Variants in MACC1 observed in about 807,000 individuals in gnomAD.
The protein encoded by MACC1 is MET transcriptional regulator MACC1, also known as metastasis-associated in colon cancer protein 1.
Under a neutral mutation model 70.7 loss-of-function variants are expected in MACC1, and 79 were observed. The ratio of observed to expected loss-of-function variants is 1.12; its 90% CI spans 0.93 to 1.35. The LOEUF (loss-of-function observed/expected upper bound fraction) is 1.35, where lower values mean the gene tolerates loss of function less well. Ranked by LOEUF, MACC1 falls within the 40% of genes most tolerant of loss-of-function variation. The probability of loss-of-function intolerance (pLI) is 0.00; values close to 1 mark genes in which losing one functional copy is unlikely to be tolerated. For missense variants in MACC1, 1,106 were observed against 978.1 expected (o/e 1.13, Z -1.74); for synonymous variants, 361 against 347.2 (o/e 1.04, Z -0.44).
intron 1 of MACC1, among the ~76,000 whole-genome samples, chr7:20,179,437 T>C (rs1782465300): frequency 6.6e-6 from 1 of 152,228 alleles, no homozygotes; most frequent in Non-Finnish European, 1.5e-5. Context: ...TTCGTTTCTC[T>C]CCTCAATTCT....
Position 20,140,894 on chromosome 7 carries a change from C to A in MACC1, c.*52G>T. 1 of 1,408,492 alleles carries A rather than the reference C, an allele frequency of 7.1e-7. No homozygotes were observed. Among genetic ancestry groups the A allele is most frequent in the Non-Finnish European group, 9.9e-7 (1 of 1,010,196 alleles). 87.2% of individuals were successfully genotyped at this position (1,408,492 alleles called of 1,614,324 possible). On this transcript the variant is annotated 3_prime_UTR_variant, in exon 7 of 7. Transcript: ENST00000400331. ...ACACAGACACACACAGACACACACA[C>A]ACACACACCATTACCTCATTTTCCC...
At chr7:20,189,363 TC>T (rs1403287416) in intron 1 of MACC1, among the ~76,000 whole-genome samples, 2 of 152,222 alleles carry the variant, frequency 1.3e-5, no homozygotes, top group Non-Finnish European at 2.9e-5. Context: ...CACTCTTGTA[TC>T]CCCAGAGCTT....
intron 1 of MACC1, among the ~76,000 whole-genome samples, chr7:20,206,345 G>A (rs1026645525): frequency 3.3e-5 from 5 of 151,944 alleles, no homozygotes; most frequent in Admixed American, 1.3e-4. Context: ...TTCCAGTGAC[G>A]TTCAAAGGAC....
At chr7:20,208,252 C>T (rs116451970) in intron 1 of MACC1, among the ~76,000 whole-genome samples, 2,484 of 152,214 alleles carry the variant, frequency 0.016, 49 homozygotes, top group Admixed American at 0.041. Flanking sequence ...TATATGGATA[C>T]CTGAAATGTG....
At chr7:20,197,930 T>A (rs1782779518) in intron 1 of MACC1, among the ~76,000 whole-genome samples, 1 of 152,230 alleles carries the variant, frequency 6.6e-6, no homozygotes, top group African/African-American at 2.4e-5. Flanking sequence ...ATAGGCTACT[T>A]CATTTATAGA....
intron 1 of MACC1, among the ~76,000 whole-genome samples, chr7:20,204,722 C>T (rs1199143708): frequency 1.3e-5 from 2 of 152,162 alleles, no homozygotes; most frequent in African/African-American, 4.8e-5. Flanking sequence ...GGTTGAATTA[C>T]AGGCATAACA....
intron 1 of MACC1, among the ~76,000 whole-genome samples, chr7:20,206,203 CA>C (rs1316710315): frequency 1.3e-5 from 2 of 151,836 alleles, no homozygotes; most frequent in Non-Finnish European, 2.9e-5. Flanking sequence ...ACTTGTCTCC[CA>C]CATTATTGTC....
rs200826339 is a variant in MACC1 at position 20,159,838 on chromosome 7, G to T, written c.523C>A (p.Arg175=). Residue 175 remains arginine, a synonymous_variant, in exon 5 of 7, where the codon CGG becomes AGG. Coordinates refer to ENST00000400331, the MANE Select transcript of MACC1 (RefSeq NM_182762.4). The stretch of plus-strand genomic sequence containing the variant: ...AACCAAGCCATTTTATAAGCCTCCC[G>T]ATCATTTTTAAGCCACTCTAAGTCG... ...LHDLEWLKND[R]EAYKMAWLSQ... is the part of the protein sequence containing the mutation. 3.1e-6 allele frequency: 5 copies of T among 1,613,968 alleles called. No homozygotes were observed. Among genetic ancestry groups the T allele is most frequent in the Non-Finnish European group, 4.2e-6 (5 of 1,180,018 alleles).
At chr7:20,188,649 C>T (rs959111434) in intron 1 of MACC1, among the ~76,000 whole-genome samples, 1 of 151,782 alleles carries the variant, frequency 6.6e-6, no homozygotes, top group African/African-American at 2.4e-5. Flanking sequence ...TATTTTTCTT[C>T]TCTCTCTCTC....
At chr7:20,170,435 T>C (rs144627315) in intron 2 of MACC1, 103 of 152,330 alleles carry the variant, frequency 6.8e-4, no homozygotes, top group African/African-American at 2.4e-3. Flanking sequence ...GACAAAGATA[T>C]GTAAAGAATA....
intron 2 of MACC1, among the ~76,000 whole-genome samples, chr7:20,169,894 C>T (rs1181241314): frequency 6.6e-6 from 1 of 152,218 alleles, no homozygotes; most frequent in Non-Finnish European, 1.5e-5. Context: ...CCTCTGGTCT[C>T]TCCCTCCTGG....
chr7:20,160,349 T>A, intron 4 of MACC1, 104 bp from the exon 5 acceptor site: 2 of 1,361,300 alleles, frequency 1.5e-6, no homozygotes, highest in Non-Finnish European at 1.9e-6. Context: ...GACTTACTTT[T>A]CATTTTTCTT....
intron 6 of MACC1, among the ~76,000 whole-genome samples, chr7:20,149,195 A>G (rs1045543826): frequency 6.6e-6 from 1 of 152,196 alleles, no homozygotes; most frequent in East Asian, 1.9e-4. Flanking sequence ...CTATTCTGCC[A>G]GTTTCTCAGA....
At chr7:20,174,916 T>C (rs1411343381) in intron 1 of MACC1, among the ~76,000 whole-genome samples, 2 of 152,168 alleles carry the variant, frequency 1.3e-5, no homozygotes, top group African/African-American at 4.8e-5. Flanking sequence ...CAGTTTTCTG[T>C]TGATGAACTT....
intron 1 of MACC1, among the ~76,000 whole-genome samples, chr7:20,172,527 T>C (rs182299154): frequency 6.6e-6 from 1 of 152,182 alleles, no homozygotes; most frequent in African/African-American, 2.4e-5. Flanking sequence ...ATATTTGAGC[T>C]ATATAGGAAT....
intron 1 of MACC1, among the ~76,000 whole-genome samples, chr7:20,194,613 A>AATCC (rs1472711898): frequency 1.3e-5 from 2 of 152,220 alleles, no homozygotes; most frequent in Non-Finnish European, 2.9e-5. Flanking sequence ...CTATTAAGCA[A>AATCC]ATCCATCTCA....
Position 20,181,926 on chromosome 7 carries a change from T to C in MACC1, c.-217-11148A>G, listed in dbSNP as rs550704443. On this transcript the variant is annotated intron_variant, in intron 1 of 6. Transcript: ENST00000400331. The stretch of plus-strand genomic sequence containing the variant: ...TAGAACTAATGAGAAGTCTAGGAGG[T>C]CAAATAAAAGATAAATAATAAAAAT... 1.5e-4 allele frequency among the ~76,000 whole-genome samples: 22 copies of C among 151,644 alleles called. 2 individuals carry two copies. In the South Asian group the frequency reaches 4.4e-3, roughly 30 times the overall value.
intron 1 of MACC1, among the ~76,000 whole-genome samples, chr7:20,179,767 C>T (rs1782471310): frequency 6.6e-6 from 1 of 152,054 alleles, no homozygotes; most frequent in South Asian, 2.1e-4. Context: ...TTTCAACCAA[C>T]AAATAAGATT....
chr7:20,162,546 A>G (rs1215187648), intron 3 of MACC1, among the ~76,000 whole-genome samples: 1 of 152,150 alleles, frequency 6.6e-6, no homozygotes, highest in African/African-American at 2.4e-5. Context: ...ATTTATCATA[A>G]ATAGGCTCTA....
Sources: allele counts gnomAD v4.1 joint callset (sites outside exome capture counted in the v4.1 genomes callset), GRCh38; gene constraint gnomAD v4.1.1; transcripts MANE v1.5; gene names NCBI Gene and HGNC (gene_info 2026-07-23, HGNC 2026-07-21).